The following FBXO34 variants were observed in gnomAD, a reference collection of about 807,000 sequenced individuals.
The protein encoded by FBXO34 is F-box only protein 34.
Under a neutral mutation model 24.5 loss-of-function variants are expected in FBXO34, and 12 were observed. The observed-to-expected ratio is 0.49, with a 90% CI of 0.31 to 0.79. FBXO34 has a LOEUF of 0.79. FBXO34 is among the 30% of genes least tolerant of loss of function. FBXO34 has a pLI of 0.04. For synonymous variants in FBXO34, 320 were observed against 311.9 expected (o/e 1.03, Z -0.27); for missense variants, 823 against 857.7 (o/e 0.96, Z 0.51).
At chr14:55,360,395 C>T (rs920997583) in intron 3 of FBXO34, among the ~76,000 whole-genome samples, 1 of 152,066 alleles carries the variant, frequency 6.6e-6, no homozygotes, top group Admixed American at 6.5e-5. Context: ...TTCTTTTGCT[C>T]ATCCATAAGA....
intron 1 of FBXO34, among the ~76,000 whole-genome samples, chr14:55,309,309 G>T (rs559432577): frequency 6.6e-6 from 1 of 152,066 alleles, no homozygotes; most frequent in Admixed American, 6.6e-5. Context: ...GGAGTGTGGC[G>T]GTGTGTGGAT....
At chr14:55,440,618 G>A in the FBXO34 span, 4 of 1,462,818 alleles carry the variant, frequency 2.7e-6, no homozygotes, top group East Asian at 9.5e-5. Context: ...GAGAAGCGTT[G>A]GGCGATGGGC....
At chr14:55,369,683 C>A (rs1331689032), downstream of FBXO34, 8 of 1,585,094 alleles carry the variant, frequency 5.0e-6, no homozygotes, top group Non-Finnish European at 6.9e-6. Context: ...GGAGATCATC[C>A]CACCTGCACT....
At chr14:55,410,996 T>C in the FBXO34 span, among the ~76,000 whole-genome samples, 29 of 152,210 alleles carry the variant, frequency 1.9e-4, no homozygotes, top group African/African-American at 7.0e-4. Flanking sequence ...CAGCTCCCAA[T>C]CTGAATTTTA....
intron 1 of FBXO34, among the ~76,000 whole-genome samples, chr14:55,302,653 ACT>A (rs148175491): frequency 0.058 from 8,772 of 150,372 alleles, 319 homozygotes; most frequent in South Asian, 0.089. Flanking sequence ...AGCCTTTTAA[ACT>A]CTCTTTAGTA....
In FBXO34 at chr14:55,351,993, G is replaced by C. The variant is rs1322043569; in HGVS notation, c.1603G>C (p.Ala535Pro). ...GTCTGCTGAGCCATTTGTACTGCCA[G>C]CCTCTTCTGTGGAAAGTACATTACC... Reference protein sequence around the residue: ...SGSAEPFVLPASSVESTLPVL... With the variant: ...SGSAEPFVLPPSSVESTLPVL... Residue 535 changes from alanine to proline, a missense_variant, in exon 2 of 2, where the codon GCC (alanine) becomes CCC (proline). By Grantham distance (27) the Ala-to-Pro change is conservative. This residue lies in a region of FBXO34 where 693 missense variants were observed against 659.1 expected (regional missense o/e 1.05). Coordinates refer to ENST00000313833, the MANE Select transcript of FBXO34 (RefSeq NM_017943.4). 3 of 1,614,190 alleles carry C rather than the reference G, an allele frequency of 1.9e-6. No individual in the cohort carries two copies. Among genetic ancestry groups the C allele is most frequent in the Non-Finnish European group, 2.5e-6 (3 of 1,180,044 alleles).
At chr14:55,403,113 T>A in the FBXO34 span, among the ~76,000 whole-genome samples, 7 of 150,554 alleles carry the variant, frequency 4.6e-5, no homozygotes, top group Non-Finnish European at 8.9e-5. Context: ...AGTGAGAACC[T>A]GTCTCTCAAA....
the FBXO34 span, chr14:55,380,653 A>G: frequency 7.4e-6 from 12 of 1,612,438 alleles, no homozygotes; most frequent in East Asian, 2.7e-4. Context: ...AGCACAGCGC[A>G]GCACTGATGG....
the FBXO34 span, among the ~76,000 whole-genome samples, chr14:55,413,380 C>T: frequency 6.6e-6 from 1 of 152,252 alleles, no homozygotes; most frequent in South Asian, 2.1e-4. Flanking sequence ...ATTTGAAACT[C>T]CTATATGTTG....
chr14:55,406,597 A>C, the FBXO34 span, among the ~76,000 whole-genome samples: 1 of 152,240 alleles, frequency 6.6e-6, no homozygotes, highest in South Asian at 2.1e-4. Flanking sequence ...TTTTGTGCAC[A>C]TAACAGTGCC....
chr14:55,284,498 G>A (rs1186848430), intron 1 of FBXO34, among the ~76,000 whole-genome samples: 1 of 131,498 alleles, frequency 7.6e-6, no homozygotes, highest in Non-Finnish European at 1.6e-5. Context: ...GGCAACAAGA[G>A]TGAACCTCTG....
chr14:55,411,885 A>C, the FBXO34 span: 1 of 1,442,174 alleles, frequency 6.9e-7, no homozygotes, highest in Non-Finnish European at 9.4e-7. Flanking sequence ...ATTCTGGGCC[A>C]GGAGGAGGGG....
chr14:55,428,698 C>CT, the FBXO34 span: 45,426 of 932,314 alleles, frequency 0.049, 56 homozygotes, highest in South Asian at 0.051. Context: ...TGTCCCCCGC[C>CT]TTTTTTTTTT....
chr14:55,328,079 G>A (rs1566557863), intron 1 of FBXO34, among the ~76,000 whole-genome samples: 1 of 151,486 alleles, frequency 6.6e-6, no homozygotes, highest in Non-Finnish European at 1.5e-5. Flanking sequence ...AGCCTCCCGA[G>A]TAGAGTAGCT....
the FBXO34 span, among the ~76,000 whole-genome samples, chr14:55,405,581 TC>T: frequency 6.6e-6 from 1 of 152,294 alleles, no homozygotes; most frequent in African/African-American, 2.4e-5. Flanking sequence ...TCAGTCCCAT[TC>T]CCCCACCTAA....
the FBXO34 span, among the ~76,000 whole-genome samples, chr14:55,442,341 A>C: frequency 6.6e-6 from 1 of 151,550 alleles, no homozygotes; most frequent in Admixed American, 6.6e-5. Context: ...ATGAGCCCAG[A>C]TCATGTCACT....
At chr14:55,395,364 T>A in the FBXO34 span, 1 of 221,110 alleles carries the variant, frequency 4.5e-6, no homozygotes, top group Non-Finnish European at 9.0e-6. Context: ...TTTGTTTGTT[T>A]GTTTGTTTGA....
chr14:55,365,706 A>G (rs1357937684), downstream of FBXO34, among the ~76,000 whole-genome samples: 1 of 152,182 alleles, frequency 6.6e-6, no homozygotes, highest in Non-Finnish European at 1.5e-5. Context: ...CCACCAAAGC[A>G]CACACCCTGT....
At chr14:55,436,690 G>A in the FBXO34 span, 1 of 1,614,204 alleles carries the variant, frequency 6.2e-7, no homozygotes, top group Non-Finnish European at 8.5e-7. Context: ...AGTATCACCA[G>A]GGTGCAGCTG....
Sources: allele counts gnomAD v4.1 joint callset (sites outside exome capture counted in the v4.1 genomes callset), GRCh38; gene constraint gnomAD v4.1.1; regional missense constraint gnomAD v4.1.1; transcripts MANE v1.5; gene names NCBI Gene and HGNC (gene_info 2026-07-23, HGNC 2026-07-21).